Variants in SPOCK3 observed in about 807,000 individuals in gnomAD.
SPOCK3 encodes the protein testican-3.
SPOCK3 carries 30 observed loss-of-function variants against 56.6 expected under a neutral mutation model. The ratio of observed to expected loss-of-function variants is 0.53; its 90% CI spans 0.40 to 0.72. SPOCK3 has a LOEUF of 0.72. SPOCK3 is among the 30% of genes least tolerant of loss of function. SPOCK3 has a pLI of 0.00. For missense variants in SPOCK3, 527 were observed against 530.0 expected, an observed-to-expected ratio of 0.99 and a Z score of 0.06; for synonymous variants, 196 against 183.3, an observed-to-expected ratio of 1.07 and a Z score of -0.56.
intron 6 of SPOCK3, among the ~76,000 whole-genome samples, chr4:166,849,390 A>G (rs1748442074): frequency 6.6e-6 from 1 of 152,126 alleles, no homozygotes; most frequent in Non-Finnish European, 1.5e-5. Context: ...GTTGATGCAA[A>G]AGTAATTGTG....
chr4:167,032,113 T>A (rs1007024935), intron 3 of SPOCK3, among the ~76,000 whole-genome samples: 1 of 151,856 alleles, frequency 6.6e-6, no homozygotes, highest in African/African-American at 2.4e-5. Flanking sequence ...AAATCCAAAT[T>A]TACAAGCCCA....
intron 2 of SPOCK3, among the ~76,000 whole-genome samples, chr4:167,137,723 GATA>G (rs1763235953): frequency 6.6e-6 from 1 of 151,772 alleles, no homozygotes; most frequent in Non-Finnish European, 1.5e-5. Flanking sequence ...AAGGACAGGA[GATA>G]AAAGTTTTTA....
chr4:166,851,571 A>G (rs1428997193), intron 6 of SPOCK3, among the ~76,000 whole-genome samples: 1 of 152,246 alleles, frequency 6.6e-6, no homozygotes, highest in Non-Finnish European at 1.5e-5. Flanking sequence ...AAACTTTGAA[A>G]AAAATTTAGA....
chr4:166,976,094 A>G (rs1561075540), intron 4 of SPOCK3, among the ~76,000 whole-genome samples: 5 of 151,838 alleles, frequency 3.3e-5, no homozygotes, highest in Admixed American at 1.3e-4. Context: ...CAACCCCTAC[A>G]TACAACACTC....
intron 2 of SPOCK3, among the ~76,000 whole-genome samples, chr4:167,071,106 T>C (rs146190780): frequency 1.3e-5 from 2 of 152,092 alleles, no homozygotes; most frequent in African/African-American, 4.8e-5. Flanking sequence ...TCTCTGAAAA[T>C]TGAGGTTAGA....
chr4:167,137,775 GCTTAAGTAT>G (rs1412727813), intron 2 of SPOCK3, among the ~76,000 whole-genome samples: 2 of 151,678 alleles, frequency 1.3e-5, no homozygotes, highest in Non-Finnish European at 2.9e-5. Context: ...AAATACTTGG[GCTTAAGTAT>G]GTTTATTTTT....
chr4:167,071,377 C>T (rs548885835), intron 2 of SPOCK3, among the ~76,000 whole-genome samples: 4 of 152,134 alleles, frequency 2.6e-5, no homozygotes, highest in African/African-American at 7.2e-5. Context: ...TCTCCTAATG[C>T]TATCCCTCCC....
chr4:167,081,645 A>C (rs539276111), intron 2 of SPOCK3, among the ~76,000 whole-genome samples: 1 of 152,166 alleles, frequency 6.6e-6, no homozygotes, highest in East Asian at 1.9e-4. Context: ...TTCAAATGGG[A>C]ACTCTGTGAA....
intron 7 of SPOCK3, among the ~76,000 whole-genome samples, chr4:166,774,653 G>A (rs1319869121): frequency 6.6e-6 from 1 of 152,154 alleles, no homozygotes; most frequent in African/African-American, 2.4e-5. Flanking sequence ...AAATAAGTAA[G>A]CAGATCACAG....
intron 5 of SPOCK3, among the ~76,000 whole-genome samples, chr4:166,901,314 A>G (rs1736018114): frequency 6.6e-6 from 1 of 152,152 alleles, no homozygotes; most frequent in African/African-American, 2.4e-5. Context: ...CTGAGATCTG[A>G]CAGCAGGCTG....
rs144641692 is a variant in SPOCK3 at position 167,116,391 on chromosome 4, T to TTG, written c.190-53856_190-53855dup. 8.4e-3 allele frequency among the ~76,000 whole-genome samples: 1,250 copies of TTG among 148,298 alleles called. 14 individuals carry two copies. Among genetic ancestry groups the TTG allele is most frequent in the African/African-American group, 0.029 (1,174 of 40,742 alleles). ...AATTACAAAAGTTATATATATACTT[T>TTG]TGTAAATATATATACACAAAAGTAT... On this transcript the variant is annotated intron_variant, in intron 2 of 10. Coordinates refer to ENST00000357545, the MANE Select transcript of SPOCK3 (RefSeq NM_001040159.2).
chr4:167,225,785 A>T (rs947764803), intron 2 of SPOCK3, among the ~76,000 whole-genome samples: 1 of 151,936 alleles, frequency 6.6e-6, no homozygotes, highest in Non-Finnish European at 1.5e-5. Flanking sequence ...AAAAAAAAAA[A>T]TCTAAAGAGT....
chr4:166,905,555 T>C (rs982069330), intron 5 of SPOCK3, among the ~76,000 whole-genome samples: 1 of 152,002 alleles, frequency 6.6e-6, no homozygotes, highest in Non-Finnish European at 1.5e-5. Flanking sequence ...GGTAACTTCA[T>C]ACCTAATGTT....
At chr4:166,781,069 A>T (rs958006722) in intron 7 of SPOCK3, among the ~76,000 whole-genome samples, 1 of 152,168 alleles carries the variant, frequency 6.6e-6, no homozygotes, top group African/African-American at 2.4e-5. Context: ...AGCCATGCAA[A>T]AGAAGAGGCA....
At chr4:166,862,160 T>C (rs1294337708) in intron 6 of SPOCK3, among the ~76,000 whole-genome samples, 2 of 152,052 alleles carry the variant, frequency 1.3e-5, no homozygotes, top group African/African-American at 2.4e-5. Flanking sequence ...TAGGTTCAGA[T>C]TGGATCAAAA....
chr4:166,847,210 T>A (rs377178084), intron 6 of SPOCK3, among the ~76,000 whole-genome samples: 1 of 152,160 alleles, frequency 6.6e-6, no homozygotes, highest in South Asian at 2.1e-4. Flanking sequence ...TTTTTCAAGC[T>A]AAGTGCTTTT....
At chr4:167,117,796 G>C (rs1761554810) in intron 2 of SPOCK3, among the ~76,000 whole-genome samples, 1 of 152,136 alleles carries the variant, frequency 6.6e-6, no homozygotes, top group African/African-American at 2.4e-5. Flanking sequence ...ACACATTCCA[G>C]GGAAAGACCT....
intron 6 of SPOCK3, among the ~76,000 whole-genome samples, chr4:166,881,141 C>T (rs1372442425): frequency 1.3e-5 from 2 of 151,954 alleles, no homozygotes; most frequent in African/African-American, 2.4e-5. Context: ...TACAATTTTA[C>T]TTTTGTAATG....
At chr4:166,754,078 T>C (rs1445429492) in intron 8 of SPOCK3, 1 of 958,124 alleles carries the variant, frequency 1.0e-6, no homozygotes, top group Non-Finnish European at 1.2e-6. Context: ...TTATGGTGAA[T>C]GCTCTGGTTC....
Sources: allele counts gnomAD v4.1 joint callset (sites outside exome capture counted in the v4.1 genomes callset), GRCh38; gene constraint gnomAD v4.1.1; transcripts MANE v1.5; gene names NCBI Gene and HGNC (gene_info 2026-07-23, HGNC 2026-07-21).